Variants in DTD1 observed in about 807,000 individuals in gnomAD.
The protein encoded by DTD1 is D-tyrosyl-tRNA deacylase 1 homolog.
In DTD1, 13 loss-of-function variants were observed where a neutral mutation model predicts 25.6. The ratio of observed to expected loss-of-function variants is 0.51; its 90% CI spans 0.33 to 0.81. The LOEUF (loss-of-function observed/expected upper bound fraction) is 0.81, where lower values mean the gene tolerates loss of function less well. Ranked by LOEUF, DTD1 falls within the 30% of genes least tolerant of loss-of-function variation. The pLI, the probability that DTD1 is intolerant of heterozygous loss-of-function variation, is 0.02. For synonymous variants in DTD1, 110 were observed against 103.6 expected (o/e 1.06, Z -0.37); for missense variants, 193 against 266.4 (o/e 0.72, Z 1.92).
chr20:18,750,318 G>A (rs930398326), intron 5 of DTD1, among the ~76,000 whole-genome samples: 1 of 152,156 alleles, frequency 6.6e-6, no homozygotes, highest in African/African-American at 2.4e-5. Context: ...ATTAAATGGT[G>A]ACAGACAGAA....
intron 5 of DTD1, among the ~76,000 whole-genome samples, chr20:18,761,623 A>G (rs1181975028): frequency 6.6e-6 from 1 of 152,204 alleles, no homozygotes; most frequent in African/African-American, 2.4e-5. Context: ...ATATTGTAGA[A>G]TATTTAATTG....
chr20:18,672,924 C>G (rs1420257739), intron 4 of DTD1, among the ~76,000 whole-genome samples: 3 of 152,312 alleles, frequency 2.0e-5, no homozygotes, highest in East Asian at 1.9e-4. Flanking sequence ...ATGTAGAAGT[C>G]TCCGGCTTCT....
rs145867288 is a variant in DTD1, at chr20:18,650,290, A to C, written c.477+22057A>C. 5.9e-5 allele frequency among the ~76,000 whole-genome samples: 9 copies of C among 152,226 alleles called. No individual in the cohort carries two copies. In the East Asian group the frequency reaches 1.7e-3, roughly 29 times the overall value. The stretch of plus-strand genomic sequence containing the variant: ...TTGTTAACAGTTTCTACATGGCTAT[A>C]GCAGAGTATTTAACTAAGTGCAGAA... On this transcript the variant is annotated intron_variant, in intron 4 of 5. Transcript: ENST00000377452.
In DTD1 at chr20:18,622,699, G is replaced by C. The variant is rs957693726; in HGVS notation, c.371-5428G>C. 2.6e-5 allele frequency among the ~76,000 whole-genome samples: 4 copies of C among 152,304 alleles called. No homozygotes were observed. The East Asian group carries it at 7.7e-4, about 29-fold the overall frequency. On this transcript the variant is annotated intron_variant, in intron 3 of 5. Coordinates refer to ENST00000377452, the MANE Select transcript of DTD1 (RefSeq NM_080820.6). ...AAATTCCTGTCTAATTTTAGTGTAA[G>C]GGTGATACTGGCCTTGCAGAATAGA...
intron 4 of DTD1, among the ~76,000 whole-genome samples, chr20:18,697,002 G>A (rs943410190): frequency 6.6e-6 from 1 of 151,726 alleles, no homozygotes; most frequent in African/African-American, 2.4e-5. Flanking sequence ...GGTGGCAGAG[G>A]CGGGCAGATC....
intron 4 of DTD1, chr20:18,632,515 T>G (rs1230573570): frequency 1.0e-6 from 1 of 985,360 alleles, no homozygotes; most frequent in African/African-American, 1.7e-5. Context: ...GCTAATTTGC[T>G]TGCTTTTGTG....
intron 3 of DTD1, among the ~76,000 whole-genome samples, chr20:18,601,111 C>A (rs1234244641): frequency 6.6e-6 from 1 of 152,048 alleles, no homozygotes; most frequent in Non-Finnish European, 1.5e-5. Flanking sequence ...ATATCCTTGG[C>A]TTATTTCTGC....
intron 4 of DTD1, among the ~76,000 whole-genome samples, chr20:18,691,045 A>G (rs1335568106): frequency 6.6e-6 from 1 of 152,220 alleles, no homozygotes; most frequent in Non-Finnish European, 1.5e-5. Flanking sequence ...GATAAATGCA[A>G]ATCAAAACCA....
intron 4 of DTD1, among the ~76,000 whole-genome samples, chr20:18,737,871 A>G (rs540185779): frequency 4.1e-5 from 6 of 148,082 alleles, no homozygotes; most frequent in Non-Finnish European, 9.0e-5. Flanking sequence ...TTTCTCTTTA[A>G]TTTGGCAAAT....
intron 4 of DTD1, among the ~76,000 whole-genome samples, chr20:18,670,869 G>A (rs753280553): frequency 2.0e-5 from 3 of 152,204 alleles, no homozygotes; most frequent in Middle Eastern, 3.2e-3. Flanking sequence ...ACAGAAAAAC[G>A]TGAGTCTCAA....
intron 4 of DTD1, among the ~76,000 whole-genome samples, chr20:18,735,655 G>A (rs992716469): frequency 1.3e-5 from 2 of 152,212 alleles, no homozygotes; most frequent in African/African-American, 4.8e-5. Context: ...CAAGTTATGT[G>A]CATGGGCCCT....
intron 3 of DTD1, chr20:18,610,996 G>A (rs573329655): frequency 7.4e-6 from 1 of 134,648 alleles, no homozygotes; most frequent in Non-Finnish European, 1.7e-5. Context: ...CAAGTGCAAA[G>A]TAATTTTAAT....
At chr20:18,708,278 A>ATG (rs2061140768) in intron 4 of DTD1, among the ~76,000 whole-genome samples, 1 of 20,452 alleles carries the variant, frequency 4.9e-5, no homozygotes, top group Non-Finnish European at 9.9e-5. Flanking sequence ...TATATATATA[A>ATG]TATATATTAT....
intron 2 of DTD1, 57 bp from the exon 3 acceptor site, chr20:18,595,949 G>A: frequency 1.4e-6 from 2 of 1,475,926 alleles, no homozygotes; most frequent in Non-Finnish European, 1.9e-6. Context: ...GGGGTATGGA[G>A]TGTGTTGGGG....
chr20:18,660,231 A>AT (rs972351005), intron 4 of DTD1, among the ~76,000 whole-genome samples: 3 of 152,112 alleles, frequency 2.0e-5, no homozygotes, highest in African/African-American at 7.2e-5. Context: ...TTTTATTTTT[A>AT]TTTTTTGAGA....
intron 4 of DTD1, among the ~76,000 whole-genome samples, chr20:18,699,297 C>A (rs566139513): frequency 6.6e-6 from 1 of 152,268 alleles, no homozygotes; most frequent in East Asian, 1.9e-4. Context: ...CATCTGTCAC[C>A]TTGAGTCTCT....
chr20:18,717,219 T>C (rs2061184606), intron 4 of DTD1, among the ~76,000 whole-genome samples: 2 of 152,304 alleles, frequency 1.3e-5, no homozygotes, highest in Non-Finnish European at 2.9e-5. Flanking sequence ...TAGCATCACA[T>C]GGTGTTTTAA....
In DTD1 at chr20:18,642,559, G is replaced by A. The variant is rs76422329; in HGVS notation, c.477+14326G>A. Among the ~76,000 whole-genome samples the A allele has an allele frequency of 1.2e-3, 180 of 151,998 alleles. 1 individual carries two copies. The East Asian group carries it at 0.02, about 17-fold the overall frequency. ...GCTGAGATTACAAGTATGAGCCACC[G>A]CACCTGGCCAAGTTGTTTACCCTCT... is the stretch of plus-strand genomic sequence containing the variant. On this transcript the variant is annotated intron_variant, in intron 4 of 5. Coordinates refer to ENST00000377452, the MANE Select transcript of DTD1 (RefSeq NM_080820.6).
intron 4 of DTD1, among the ~76,000 whole-genome samples, chr20:18,681,986 G>A (rs773470867): frequency 4.9e-4 from 75 of 152,188 alleles, no homozygotes; most frequent in Admixed American, 2.6e-3. Flanking sequence ...GAGTGGCAGC[G>A]GTGCCACTAG....
Sources: allele counts gnomAD v4.1 joint callset (sites outside exome capture counted in the v4.1 genomes callset), GRCh38; gene constraint gnomAD v4.1.1; transcripts MANE v1.5; gene names NCBI Gene and HGNC (gene_info 2026-07-23, HGNC 2026-07-21).